The following UNC13C variants were observed in gnomAD, a reference collection of about 807,000 sequenced individuals.
UNC13C encodes the protein unc-13 homolog C.
In UNC13C, 174 loss-of-function variants were observed where a neutral mutation model predicts 245.4. That is an observed-to-expected ratio of 0.71 (90% CI 0.63 to 0.80). The LOEUF is 0.80. Among genes scored for constraint, UNC13C ranks in the 30% least tolerant of loss-of-function variants. The pLI is 0.00. For synonymous variants in UNC13C, 992 were observed against 895.1 expected, an observed-to-expected ratio of 1.11 and a Z score of -1.93; for missense variants, 2,829 against 2,602.9, an observed-to-expected ratio of 1.09 and a Z score of -1.89.
At chr15:54,266,896 G>T (rs1453330062) in intron 10 of UNC13C, among the ~76,000 whole-genome samples, 2 of 151,944 alleles carry the variant, frequency 1.3e-5, no homozygotes, top group African/African-American at 4.8e-5. Flanking sequence ...CCTATAACTA[G>T]AACAATATGG....
chr15:54,343,892 GT>G (rs2038797294), intron 17 of UNC13C, among the ~76,000 whole-genome samples: 1 of 149,420 alleles, frequency 6.7e-6, no homozygotes, highest in Non-Finnish European at 1.5e-5. Context: ...AACATTTGGG[GT>G]AAGGGGGGGT....
chr15:54,601,296 G>A (rs546241180), intron 30 of UNC13C, among the ~76,000 whole-genome samples: 17 of 152,280 alleles, frequency 1.1e-4, no homozygotes, highest in African/African-American at 4.1e-4. Context: ...GGTCTTTAAT[G>A]TCAATGAGAA....
At chr15:54,065,150 T>C (rs1382677061) in intron 2 of UNC13C, among the ~76,000 whole-genome samples, 1 of 152,134 alleles carries the variant, frequency 6.6e-6, no homozygotes, top group Admixed American at 6.5e-5. Context: ...GGAGCTCACT[T>C]TCTAGCTTGG....
intron 19 of UNC13C, among the ~76,000 whole-genome samples, chr15:54,448,051 C>A (rs946435607): frequency 6.6e-6 from 1 of 152,148 alleles, no homozygotes; most frequent in Admixed American, 6.5e-5. Flanking sequence ...CATTCAGGAG[C>A]AGGTTGTTCA....
At chr15:54,009,147 G>C (rs1250511796) in intron 1 of UNC13C, among the ~76,000 whole-genome samples, 3 of 152,194 alleles carry the variant, frequency 2.0e-5, no homozygotes, top group Non-Finnish European at 4.4e-5. Context: ...CAGTAACTAG[G>C]AAGGTGAGAT....
Position 54,356,503 on chromosome 15 carries a change from T to A in UNC13C, c.4713+18014T>A, listed in dbSNP as rs146635805. ...GCTCACAGTTCTCAAAGCTGGGAAG[T>A]TCAAGATCAAGATGCCCATAGATAT... On this transcript the variant is annotated intron_variant, in intron 17 of 32. Coordinates refer to ENST00000260323, the MANE Select transcript of UNC13C (RefSeq NM_001080534.3). Among the ~76,000 whole-genome samples, 35 of 152,232 alleles carry A rather than the reference T, an allele frequency of 2.3e-4. 1 individual carries two copies. The East Asian group carries it at 6.8e-3, about 29-fold the overall frequency.
chr15:54,284,254 ATAGTT>A (rs1567159611), intron 10 of UNC13C, among the ~76,000 whole-genome samples: 1 of 152,222 alleles, frequency 6.6e-6, no homozygotes, highest in Non-Finnish European at 1.5e-5. Flanking sequence ...CTTCAAACAA[ATAGTT>A]TAATTTCTGC....
intron 1 of UNC13C, among the ~76,000 whole-genome samples, chr15:53,982,033 C>G (rs532112077): frequency 1.3e-5 from 2 of 152,110 alleles, no homozygotes; most frequent in East Asian, 3.9e-4. Context: ...GAAATAAATG[C>G]TAGATAGAAA....
intron 19 of UNC13C, among the ~76,000 whole-genome samples, chr15:54,462,067 A>C (rs1178498270): frequency 6.6e-6 from 1 of 152,130 alleles, no homozygotes; most frequent in East Asian, 1.9e-4. Flanking sequence ...AAGTACTGGG[A>C]TACAAGCACA....
At chr15:54,106,133 G>A (rs1475447375) in intron 2 of UNC13C, among the ~76,000 whole-genome samples, 1 of 152,110 alleles carries the variant, frequency 6.6e-6, no homozygotes, top group East Asian at 1.9e-4. Flanking sequence ...AACTTATTAA[G>A]CAGATTTTAG....
chr15:54,570,072 GGAA>G (rs1897686554), intron 30 of UNC13C, among the ~76,000 whole-genome samples: 1 of 152,050 alleles, frequency 6.6e-6, no homozygotes. Context: ...AAACTAAAGG[GGAA>G]GAAGAAGAGG....
intron 29 of UNC13C, among the ~76,000 whole-genome samples, chr15:54,557,665 A>C (rs1190846287): frequency 6.6e-6 from 1 of 151,926 alleles, no homozygotes; most frequent in Admixed American, 6.6e-5. Flanking sequence ...TACCCATGCT[A>C]ATTTCCAACG....
At chr15:54,215,423 A>C (rs2140762924) in intron 4 of UNC13C, among the ~76,000 whole-genome samples, 1 of 151,984 alleles carries the variant, frequency 6.6e-6, no homozygotes, top group African/African-American at 2.4e-5. Context: ...CTCTTTGAAA[A>C]CTTTAAAAAA....
intron 20 of UNC13C, among the ~76,000 whole-genome samples, chr15:54,497,471 G>A (rs1894008385): frequency 6.6e-6 from 1 of 152,068 alleles, no homozygotes; most frequent in African/African-American, 2.4e-5. Flanking sequence ...CAGAGAAAAG[G>A]AAACCACAGA....
chr15:54,170,314 G>A (rs969576543), intron 4 of UNC13C, among the ~76,000 whole-genome samples: 1 of 151,964 alleles, frequency 6.6e-6, no homozygotes, highest in Non-Finnish European at 1.5e-5. Flanking sequence ...AGGGCAGTAA[G>A]GGGAAAAAGA....
intron 7 of UNC13C, among the ~76,000 whole-genome samples, chr15:54,240,347 A>G (rs2035818233): frequency 1.3e-5 from 2 of 152,230 alleles, no homozygotes; most frequent in South Asian, 4.1e-4. Flanking sequence ...GGCAACTAAC[A>G]TAAATGCTGG....
intron 17 of UNC13C, among the ~76,000 whole-genome samples, chr15:54,369,570 G>A (rs1409921246): frequency 1.3e-5 from 2 of 152,046 alleles, no homozygotes; most frequent in Non-Finnish European, 1.5e-5. Context: ...GATACTATCT[G>A]CTATAAAATT....
In UNC13C at chr15:54,014,081, A is replaced by T. The variant is rs772691924; in HGVS notation, c.1178A>T (p.Lys393Met). ...CAACAAAGGGATTCTGTCTTAAAAAAGTCATATAAACTCAAAGGAACAGGC... is the reference window on the plus strand; with the variant it reads ...CAACAAAGGGATTCTGTCTTAAAAATGTCATATAAACTCAAAGGAACAGGC... The part of the protein sequence containing the change: ...TPQQRDSVLK[K>M]SYKLKGTGIG... Residue 393 changes from lysine to methionine, a missense_variant, in exon 2 of 33, where the codon AAG becomes ATG. Physicochemically the swap from Lys to Met is moderately conservative, Grantham distance 95 (BLOSUM62 -1). Transcript: ENST00000260323. 6.2e-7 allele frequency: 1 copy of T among 1,613,682 alleles called. No individual in the cohort carries two copies. The highest frequency in any genetic ancestry group is 1.3e-5 in the African/African-American group (1 of 74,908).
chr15:54,316,103 C>T (rs1378618781), intron 13 of UNC13C, among the ~76,000 whole-genome samples: 1 of 151,838 alleles, frequency 6.6e-6, no homozygotes, highest in Non-Finnish European at 1.5e-5. Flanking sequence ...ACTAGAGTTC[C>T]TTGCTAATAC....
Sources: allele counts gnomAD v4.1 joint callset (sites outside exome capture counted in the v4.1 genomes callset), GRCh38; gene constraint gnomAD v4.1.1; transcripts MANE v1.5; gene names NCBI Gene and HGNC (gene_info 2026-07-23, HGNC 2026-07-21).